BARX2: variants seen among roughly 807,000 people sequenced by gnomAD.
BARX2 encodes BARX homeobox 2.
A neutral mutation model predicts 25.5 loss-of-function variants in BARX2; 11 were observed. The observed-to-expected ratio is 0.43, with a 90% CI of 0.27 to 0.71. BARX2 has a LOEUF of 0.71. Among genes scored for constraint, BARX2 ranks in the 30% least tolerant of loss-of-function variants. BARX2 has a pLI of 0.19. For synonymous variants in BARX2, 137 were observed against 149.5 expected (o/e 0.92, Z 0.61); for missense variants, 360 against 359.9 (o/e 1.00, Z 0.00).
chr11:129,444,751 C>T (rs1862304499), intron 3 of BARX2, among the ~76,000 whole-genome samples: 2 of 152,142 alleles, frequency 1.3e-5, no homozygotes, highest in Admixed American at 1.3e-4. Context: ...CCTGTAATCC[C>T]ATCAGTTTGG....
chr11:129,411,287 C>T (rs1035051864), intron 1 of BARX2, among the ~76,000 whole-genome samples: 23 of 146,928 alleles, frequency 1.6e-4, no homozygotes, highest in African/African-American at 5.3e-4. Flanking sequence ...AGGAGAATGG[C>T]GTGAATCCGG....
At chr11:129,407,636 C>CTT (rs1861845116) in intron 1 of BARX2, among the ~76,000 whole-genome samples, 1 of 152,094 alleles carries the variant, frequency 6.6e-6, no homozygotes, top group South Asian at 2.1e-4. Context: ...GTTCAGTAAA[C>CTT]TTTGAGTACC....
chr11:129,391,770 G>A (rs1338839638), intron 1 of BARX2, among the ~76,000 whole-genome samples: 1 of 152,190 alleles, frequency 6.6e-6, no homozygotes, highest in Non-Finnish European at 1.5e-5. Context: ...TTATAGTAAA[G>A]TGGTAGAATT....
chr11:129,437,093 G>A (rs755726276), intron 2 of BARX2, 42 bp downstream of exon 2: 2 of 1,489,538 alleles, frequency 1.3e-6, no homozygotes, highest in East Asian at 2.4e-5. Flanking sequence ...GAAGGCCCCT[G>A]GGAACGGGAG....
At chr11:129,439,977 ATC>A (rs1256743842) in intron 2 of BARX2, among the ~76,000 whole-genome samples, 1 of 151,952 alleles carries the variant, frequency 6.6e-6, no homozygotes, top group Admixed American at 6.6e-5. Flanking sequence ...CTGCCCAGGC[ATC>A]TCTCAGGTCA....
chr11:129,386,913 T>G (rs1367220231), intron 1 of BARX2, among the ~76,000 whole-genome samples: 2 of 152,116 alleles, frequency 1.3e-5, no homozygotes, highest in African/African-American at 2.4e-5. Flanking sequence ...ATAAACAAAT[T>G]AAAGCTCTGG....
chr11:129,411,517 C>T (rs1861887169), intron 1 of BARX2, among the ~76,000 whole-genome samples: 1 of 152,138 alleles, frequency 6.6e-6, no homozygotes, highest in African/African-American at 2.4e-5. Context: ...ATTGCGGGCT[C>T]ATGGGCTGGA....
chr11:129,392,131 C>G (rs1311966881), intron 1 of BARX2, among the ~76,000 whole-genome samples: 1 of 152,172 alleles, frequency 6.6e-6, no homozygotes, highest in African/African-American at 2.4e-5. Context: ...TCAGGAACTG[C>G]CAGACCTCTC....
chr11:129,446,241 C>G (rs57281878), intron 3 of BARX2, among the ~76,000 whole-genome samples: 6,954 of 152,248 alleles, frequency 0.046, 253 homozygotes, highest in African/African-American at 0.1. Flanking sequence ...ATGCAATTCT[C>G]TTCCATGAGA....
Position 129,436,797 on chromosome 11 carries a change from C to G in BARX2, c.234C>G (p.Arg78=). ...RAYPLLSVIT[R]QPTVISHLVP... ...ATCCGCTCCTCTCGGTGATCACCCG[C>G]CAGCCCACTGTCATCTCCCACCTGG... Residue 78 remains arginine, a synonymous_variant, in exon 2 of 4, where the codon CGC becomes CGG. Transcript: ENST00000281437. The surrounding 1 kb of genome is among the most constrained non-coding windows in gnomAD (Gnocchi z 4.5). 6.2e-7 allele frequency: 1 copy of G among 1,611,960 alleles called. No homozygotes were observed. The highest frequency in any genetic ancestry group is 8.5e-7 in the Non-Finnish European group (1 of 1,178,806).
intron 2 of BARX2, 114 bp from the exon 3 acceptor site, chr11:129,442,721 G>A (rs1591448525): frequency 2.2e-6 from 2 of 891,734 alleles, no homozygotes; most frequent in African/African-American, 1.6e-5. Context: ...TAATGGGGGA[G>A]GTCCGAGCCT....
At chr11:129,440,624 G>T (rs61911241) in intron 2 of BARX2, among the ~76,000 whole-genome samples, 38,452 of 152,202 alleles carry the variant, frequency 0.25, 6,064 homozygotes, top group African/African-American at 0.45. Context: ...GATGACCAGA[G>T]GGATGTGAGT....
At chr11:129,450,562 T>G (rs1048157633) in intron 3 of BARX2, among the ~76,000 whole-genome samples, 1 of 152,210 alleles carries the variant, frequency 6.6e-6, no homozygotes, top group Non-Finnish European at 1.5e-5. Flanking sequence ...GGCTAAACTT[T>G]TAGGATATCA....
chr11:129,406,365 TAGC>T (rs1279868289), intron 1 of BARX2, among the ~76,000 whole-genome samples: 2 of 152,240 alleles, frequency 1.3e-5, no homozygotes, highest in African/African-American at 4.8e-5. Context: ...AACTTGGTAG[TAGC>T]AGAGTCTAAA....
At chr11:129,397,588 T>TA (rs34684439) in intron 1 of BARX2, among the ~76,000 whole-genome samples, 1 of 152,182 alleles carries the variant, frequency 6.6e-6, no homozygotes, top group Non-Finnish European at 1.5e-5. Flanking sequence ...TAGAGTTCGT[T>TA]AAAAAAATAT....
chr11:129,419,469 G>A (rs1750328324), intron 1 of BARX2, among the ~76,000 whole-genome samples: 1 of 152,188 alleles, frequency 6.6e-6, no homozygotes, highest in Non-Finnish European at 1.5e-5. Flanking sequence ...TTTTAGAATT[G>A]TGGGAGGTAG....
At chr11:129,431,746 A>G in intron 1 of BARX2, among the ~76,000 whole-genome samples, 1 of 152,136 alleles carries the variant, frequency 6.6e-6, no homozygotes, top group Non-Finnish European at 1.5e-5. Flanking sequence ...TCTTAACAGT[A>G]TCTTTTACAG....
In BARX2 at chr11:129,425,208, G is replaced by A. The variant is rs139230894; in HGVS notation, c.188-11543G>A. 1.7e-3 allele frequency among the ~76,000 whole-genome samples: 252 copies of A among 152,332 alleles called. 2 individuals carry two copies. The highest frequency in any genetic ancestry group is 2.1e-3 in the Non-Finnish European group (142 of 68,036). On this transcript the variant is annotated intron_variant, in intron 1 of 3. Transcript: ENST00000281437. Reference sequence around the variant, plus strand: ...TGGAGTTAAGCACCAGGAAGATGGAGTTTCAAATTTTTTTCCTAAAGAAGT... The same window carrying A: ...TGGAGTTAAGCACCAGGAAGATGGAATTTCAAATTTTTTTCCTAAAGAAGT...
chr11:129,419,117 G>A (rs1861976247), intron 1 of BARX2, among the ~76,000 whole-genome samples: 1 of 152,176 alleles, frequency 6.6e-6, no homozygotes, highest in Admixed American at 6.5e-5. Flanking sequence ...CTGTGTTGGG[G>A]GGTGTCCTGT....
Sources: gnomAD v4.1 joint callset for allele counts (sites outside exome capture counted in the v4.1 genomes callset) on GRCh38, gnomAD v4.1.1 for gene constraint, Gnocchi (gnomAD v3.1) non-coding constraint, MANE v1.5 for transcripts, NCBI Gene and HGNC (gene_info 2026-07-23, HGNC 2026-07-21) for gene names.